Variants in CWF19L2 observed in about 807,000 individuals in gnomAD.
CWF19L2 encodes CWF19-like protein 2.
Under a neutral mutation model 111.7 loss-of-function variants are expected in CWF19L2, and 98 were observed. The ratio of observed to expected loss-of-function variants is 0.88; its 90% CI spans 0.75 to 1.04. The LOEUF (loss-of-function observed/expected upper bound fraction) is 1.04. Ranked by LOEUF, CWF19L2 falls within the 50% of genes least tolerant of loss-of-function variation. The probability of loss-of-function intolerance (pLI) is 0.00; values close to 1 mark genes in which losing one functional copy is unlikely to be tolerated. For missense variants in CWF19L2, 1,101 were observed against 1,051.4 expected (o/e 1.05, Z -0.65); for synonymous variants, 351 against 342.9 (o/e 1.02, Z -0.26).
chr11:107,436,487 C>T (rs1411969446), intron 6 of CWF19L2, among the ~76,000 whole-genome samples: 2 of 152,106 alleles, frequency 1.3e-5, no homozygotes, highest in African/African-American at 2.4e-5. Flanking sequence ...ATCAGGAAAC[C>T]TAGATTTTAG....
chr11:107,353,760 T>C (rs1407584769), intron 12 of CWF19L2, 24 bp from the exon 13 acceptor site: 4 of 1,582,678 alleles, frequency 2.5e-6, no homozygotes, highest in African/African-American at 2.7e-5. Flanking sequence ...ATAACAGTAA[T>C]AGAGAGTAGA....
intron 12 of CWF19L2, among the ~76,000 whole-genome samples, chr11:107,381,031 G>A (rs1258844458): frequency 6.6e-6 from 1 of 152,182 alleles, no homozygotes; most frequent in Non-Finnish European, 1.5e-5. Flanking sequence ...CACAGAGACA[G>A]AAAGAGGTGA....
intron 8 of CWF19L2, among the ~76,000 whole-genome samples, chr11:107,425,757 A>G (rs61106913): frequency 0.013 from 1,960 of 152,050 alleles, 25 homozygotes; most frequent in South Asian, 0.037. Context: ...CTTCTGGGCT[A>G]CAGTAACAAA....
intron 12 of CWF19L2, among the ~76,000 whole-genome samples, chr11:107,362,923 G>C (rs973085867): frequency 1.3e-5 from 2 of 151,768 alleles, no homozygotes; most frequent in Admixed American, 1.3e-4. Flanking sequence ...TGAAAACTTT[G>C]AAAAAAATTT....
chr11:107,429,309 A>T lies in CWF19L2; in HGVS notation c.923T>A (p.Val308Glu), dbSNP rs758386751. The T allele has an allele frequency of 6.2e-7, 1 of 1,612,018 alleles. No individual in the cohort carries two copies. Residue 308 changes from valine to glutamate, a missense_variant, in exon 8 of 18, where the codon GTA (valine) becomes GAA (glutamate). By Grantham distance (121) the Val-to-Glu change is moderately radical. Transcript: ENST00000282251. ...ATCCCTTGAACTGTTACCATATTTT[A>T]CTAAGTCTGATTCTCTACTTTCTTG... ...NCQESRESDL[V>E]KYGNSSRDRY...
chr11:107,436,687 A>G (rs1361084942), intron 6 of CWF19L2, among the ~76,000 whole-genome samples: 1 of 152,194 alleles, frequency 6.6e-6, no homozygotes, highest in Non-Finnish European at 1.5e-5. Flanking sequence ...ACAAAATCAC[A>G]TCAAAGGAGT....
chr11:107,349,166 A>T (rs1860123529), intron 13 of CWF19L2, 113 bp from the exon 14 acceptor site: 1 of 417,362 alleles, frequency 2.4e-6, no homozygotes, highest in Non-Finnish European at 4.3e-6. Flanking sequence ...GTAGAAAAAA[A>T]TGATGAATAT....
chr11:107,403,514 A>G (rs1471319394), intron 10 of CWF19L2: 9 of 829,400 alleles, frequency 1.1e-5, no homozygotes, highest in Admixed American at 8.6e-5. Flanking sequence ...CATACTGTCA[A>G]CCCCCTCCTG....
chr11:107,403,605 T>TCTGTCTCCATTG (rs1861037918), intron 10 of CWF19L2: 1 of 782,898 alleles, frequency 1.3e-6, no homozygotes, highest in African/African-American at 1.7e-5. Context: ...AGGTGTGTCT[T>TCTGTCTCCATTG]CTCTGTCTCC....
Position 107,404,159 on chromosome 11 carries a change from T to G in CWF19L2, c.1618-11264A>C. On this transcript the variant is annotated intron_variant, in intron 10 of 17. Transcript: ENST00000282251. ...TCTAAAGCAGCTTCTGCACGATTTT[T>G]TGCATTTACGTAAGCAAGGTATGTG... The G allele has an allele frequency of 3.9e-6, 3 of 776,056 alleles. No individual in the cohort carries two copies. In the South Asian group the frequency reaches 4.0e-5, roughly 10 times the overall value. The allele number at this position is 776,056 out of a possible 1,614,324, so 48.1% of individuals were successfully genotyped here.
intron 12 of CWF19L2, among the ~76,000 whole-genome samples, chr11:107,360,621 T>G (rs1350332858): frequency 6.6e-6 from 1 of 152,214 alleles, no homozygotes; most frequent in East Asian, 1.9e-4. Flanking sequence ...AAGAGCTCCC[T>G]TATCTCCACA....
At position 107,336,618 on chromosome 11, in the gene CWF19L2, C is replaced by T. The variant is rs556191517; in HGVS notation, c.2298G>A (p.Met766Ile). The change falls in exon 15 of 18, where the codon ATG (methionine) becomes ATA (isoleucine). Residue 766 changes from methionine to isoleucine, a missense_variant. Met to Ile is a conservative substitution (Grantham distance 10, BLOSUM62 1). Coordinates refer to ENST00000282251, the MANE Select transcript of CWF19L2 (RefSeq NM_152434.3). ...TGGGAAGAGGAATACATTCATAAAC[C>T]ATGTGATACTGTTTCTTCATGCTCA... ...TNMSMKKQYH[M>I]VYECIPLPKE... 4.4e-6 allele frequency: 7 copies of T among 1,606,246 alleles called. No individual in the cohort carries two copies. The highest frequency in any genetic ancestry group is 1.1e-5 in the South Asian group (1 of 89,494).
At chr11:107,374,008 G>A (rs1263652728) in intron 12 of CWF19L2, among the ~76,000 whole-genome samples, 3 of 137,094 alleles carry the variant, frequency 2.2e-5, no homozygotes, top group Non-Finnish European at 3.1e-5. Context: ...TCAACTGGAA[G>A]AAAGGGTATC....
chr11:107,361,864 C>G (rs1311303070), intron 12 of CWF19L2, among the ~76,000 whole-genome samples: 1 of 152,150 alleles, frequency 6.6e-6, no homozygotes, highest in East Asian at 1.9e-4. Context: ...CAGCTCCAAG[C>G]GTGAGAGACG....
intron 16 of CWF19L2, among the ~76,000 whole-genome samples, chr11:107,330,644 C>CCACACACACA (rs56313409): frequency 4.1e-5 from 5 of 121,730 alleles, no homozygotes; most frequent in South Asian, 3.0e-4. Context: ...ACCCCCCCCA[C>CCACACACACA]CACACACACA....
Position 107,403,977 on chromosome 11 carries a change from G to A in CWF19L2, c.1618-11082C>T, listed in dbSNP as rs140945805. On this transcript the variant is annotated intron_variant, in intron 10 of 17. Transcript: ENST00000282251. ...ATTCTAGCTGTTGCGACAACTGACC[G>A]AACGTCTGGCACCACACTCTCACTA... is the stretch of plus-strand genomic sequence containing the variant. 807 of 865,342 alleles carry A rather than the reference G, an allele frequency of 9.3e-4. 10 individuals carry two copies. The East Asian group carries it at 0.016, about 17-fold the overall frequency. The allele number at this position is 865,342 out of a possible 1,614,324, so 53.6% of individuals were successfully genotyped here. A position where few individuals can be genotyped will look rare whatever the true frequency, so the allele number is the denominator to read the frequency against.
At chr11:107,347,602 C>T (rs917481439) in intron 14 of CWF19L2, among the ~76,000 whole-genome samples, 7 of 152,258 alleles carry the variant, frequency 4.6e-5, no homozygotes, top group South Asian at 4.1e-4. Flanking sequence ...TCCTCTCTTT[C>T]GCAGTTTTCC....
intron 10 of CWF19L2, among the ~76,000 whole-genome samples, chr11:107,402,925 A>G (rs1861028106): frequency 7.1e-6 from 1 of 141,328 alleles, no homozygotes; most frequent in Non-Finnish European, 1.5e-5. Flanking sequence ...TGCAGCCATA[A>G]AAAGGAATGA....
At chr11:107,444,075 C>G (rs868515787) in intron 3 of CWF19L2, among the ~76,000 whole-genome samples, 1 of 150,654 alleles carries the variant, frequency 6.6e-6, no homozygotes, top group African/African-American at 2.4e-5. Flanking sequence ...GGCCTAGAAA[C>G]AATTTCAAGC....
Sources: allele counts gnomAD v4.1 joint callset (sites outside exome capture counted in the v4.1 genomes callset), GRCh38; gene constraint gnomAD v4.1.1; transcripts MANE v1.5; gene names NCBI Gene and HGNC (gene_info 2026-07-23, HGNC 2026-07-21).